The following BRSK2 variants were observed in gnomAD, a reference collection of about 807,000 sequenced individuals.
The protein encoded by BRSK2 is serine/threonine-protein kinase BRSK2.
Under a neutral mutation model 83.3 loss-of-function variants are expected in BRSK2, and 19 were observed. The ratio of observed to expected loss-of-function variants is 0.23; its 90% CI spans 0.16 to 0.33. The LOEUF is 0.33. Ranked by LOEUF, BRSK2 falls within the 10% of genes least tolerant of loss-of-function variation. The pLI is 1.00. For missense variants in BRSK2, 798 were observed against 1,042.3 expected (o/e 0.77, Z 3.23); for synonymous variants, 519 against 435.4 (o/e 1.19, Z -2.39).
chr11:1,400,699 T>C (rs1846417620), intron 1 of BRSK2, among the ~76,000 whole-genome samples: 1 of 152,086 alleles, frequency 6.6e-6, no homozygotes, highest in South Asian at 2.1e-4. Context: ...CCCTGTCAGC[T>C]GTGTTCTCCA....
chr11:1,426,302 G>A (rs992021658), intron 1 of BRSK2, among the ~76,000 whole-genome samples: 3 of 151,320 alleles, frequency 2.0e-5, no homozygotes, highest in Admixed American at 2.0e-4. Flanking sequence ...GGATGTGTGT[G>A]GGGCGTGCTC....
chr11:1,399,054 T>C (rs1846302081), intron 1 of BRSK2, among the ~76,000 whole-genome samples: 1 of 152,040 alleles, frequency 6.6e-6, no homozygotes, highest in Non-Finnish European at 1.5e-5. Flanking sequence ...AATGACTCCG[T>C]CCCTTCCACA....
intron 14 of BRSK2, among the ~76,000 whole-genome samples, chr11:1,451,092 C>T (rs1315883453): frequency 1.6e-4 from 25 of 152,348 alleles, no homozygotes; most frequent in South Asian, 2.1e-4. Context: ...AGTCAGGAGG[C>T]CCCATGTGTG....
Position 1,454,964 on chromosome 11 carries a change from C to T in BRSK2, c.1668+356C>T, listed in dbSNP as rs1272854131. On this transcript the variant is annotated intron_variant, in intron 16 of 19. Coordinates refer to ENST00000528841, the MANE Select transcript of BRSK2 (RefSeq NM_001256627.2). The surrounding 1 kb of genome is among the most constrained non-coding windows in gnomAD (Gnocchi z 5.2). Reference sequence around the variant, plus strand: ...CAGAGGGGGACATTTCCATCAGACTCGGGGAGAAGCCCTTGTGAGGCCATG... The same window carrying T: ...CAGAGGGGGACATTTCCATCAGACTTGGGGAGAAGCCCTTGTGAGGCCATG... Among the ~76,000 whole-genome samples the T allele has an allele frequency of 7.9e-5, 12 of 152,082 alleles. No homozygotes were observed. The highest frequency in any genetic ancestry group is 1.9e-4 in the East Asian group (1 of 5,180).
rs1564790902 is a variant in BRSK2, at chr11:1,396,257, C to CCCCGCTCCTCGTCT, written c.91+5883_91+5884insCCGCTCCTCGTCTC. On this transcript the variant is annotated intron_variant, in intron 1 of 19. Transcript: ENST00000528841. ...CCACCCACGTCCCCCACTCCTGGTC[C>CCCCGCTCCTCGTCT]CTCTTCCCTTCCACCCACGTCCCCC... Among the ~76,000 whole-genome samples, 97 of 120,406 alleles carry CCCCGCTCCTCGTCT rather than the reference C, an allele frequency of 8.1e-4. 2 individuals carry two copies. The highest frequency in any genetic ancestry group is 3.8e-3 in the African/African-American group (91 of 23,956). The allele number at this position is 120,406 out of a possible 152,430, so 79.0% of individuals were successfully genotyped here.
chr11:1,451,534 TC>T, intron 15 of BRSK2, 115 bp downstream of exon 15: 1 of 1,100,558 alleles, frequency 9.1e-7, no homozygotes, highest in Non-Finnish European at 1.4e-6. Context: ...TGGCCCCACC[TC>T]CCACTGCAGG....
intron 1 of BRSK2, among the ~76,000 whole-genome samples, chr11:1,421,901 G>A (rs922212721): frequency 3.9e-5 from 6 of 151,960 alleles, no homozygotes; most frequent in South Asian, 2.1e-4. Context: ...GCCCAGCACC[G>A]GGGTCTCTGC....
Position 1,440,897 on chromosome 11 carries a change from G to T in BRSK2, c.382G>T (p.Ala128Ser). ...ARKFFRQIIS[A>S]LDFCHSHSIC... ...GAAGTTCTTCCGGCAGATCATCTCT[G>T]CGCTGGACTTCTGCCACAGCCACTC... Residue 128 changes from alanine to serine, a missense_variant, in exon 4 of 20, where the codon GCG (alanine) becomes TCG (serine). By Grantham distance (99) the Ala-to-Ser change is moderately conservative. Transcript: ENST00000528841. The T allele has an allele frequency of 6.2e-7, 1 of 1,609,426 alleles. No individual in the cohort carries two copies. The highest frequency in any genetic ancestry group is 2.2e-5 in the East Asian group (1 of 44,826).
intron 1 of BRSK2, among the ~76,000 whole-genome samples, chr11:1,424,204 A>G (rs533466875): frequency 1.1e-4 from 17 of 152,246 alleles, no homozygotes; most frequent in African/African-American, 3.9e-4. Context: ...CTGCTCCGTG[A>G]GCCCCGGGGA....
intron 12 of BRSK2, among the ~76,000 whole-genome samples, chr11:1,447,107 C>T (rs1041327196): frequency 2.0e-5 from 3 of 152,038 alleles, no homozygotes; most frequent in Non-Finnish European, 2.9e-5. Context: ...CAGCTTCCAA[C>T]GTGGGGTCCC....
At chr11:1,426,166 GGGCCACGTGGCCATCA>G (rs1184182307) in intron 1 of BRSK2, among the ~76,000 whole-genome samples, 1 of 152,216 alleles carries the variant, frequency 6.6e-6, no homozygotes, top group Non-Finnish European at 1.5e-5. Context: ...GGGACGGGCA[GGGCCACGTGGCCATCA>G]GGGCCTGGAT....
At position 1,423,834 on chromosome 11, in the gene BRSK2, C is replaced by A. The variant is rs907512282; in HGVS notation, c.92-12206C>A. ...GGCGTTCCGGGTGCCCCAGGCCTCC[C>A]CCGCTGAGTGTTCCCGGTGCCCCTG... On this transcript the variant is annotated intron_variant, in intron 1 of 19. Transcript: ENST00000528841. The surrounding 1 kb of genome is among the most constrained non-coding windows in gnomAD (Gnocchi z 6.5). 6.6e-6 allele frequency among the ~76,000 whole-genome samples: 1 copy of A among 151,620 alleles called. No individual in the cohort carries two copies. The highest frequency in any genetic ancestry group is 2.4e-5 in the African/African-American group (1 of 41,278).
At chr11:1,392,265 C>G (rs1845774360) in intron 1 of BRSK2, among the ~76,000 whole-genome samples, 1 of 152,214 alleles carries the variant, frequency 6.6e-6, no homozygotes, top group African/African-American at 2.4e-5. Context: ...GCCAGGAGAC[C>G]TCCGTGGGAG....
chr11:1,410,516 G>T (rs1222935248), intron 1 of BRSK2: 5 of 985,468 alleles, frequency 5.1e-6, no homozygotes, highest in Non-Finnish European at 6.0e-6. Context: ...GCAGACTTCG[G>T]TGCTTCAAAG....
intron 1 of BRSK2, among the ~76,000 whole-genome samples, chr11:1,420,731 G>A (rs1314214345): frequency 1.3e-5 from 2 of 152,164 alleles, no homozygotes; most frequent in African/African-American, 4.8e-5. Flanking sequence ...CCTCCTCCCT[G>A]GCTGTCACCC....
At chr11:1,443,306 C>T (rs994134486) in intron 6 of BRSK2, 29 bp from the exon 7 acceptor site, 9 of 1,592,128 alleles carry the variant, frequency 5.7e-6, no homozygotes, top group Non-Finnish European at 6.0e-6. Flanking sequence ...CCCTGCGCCC[C>T]CCAACAGCCC....
intron 12 of BRSK2, 67 bp downstream of exon 12, chr11:1,445,974 CTCA>C: frequency 2.0e-6 from 3 of 1,519,982 alleles, no homozygotes; most frequent in South Asian, 2.5e-5. Context: ...TGCCGCCTGG[CTCA>C]TCGCTACCCA....
rs751578847 is a variant in BRSK2 at position 1,445,286 on chromosome 11, G to A, written c.813-8G>A. On this transcript the variant is annotated splice_region_variant and splice_polypyrimidine_tract_variant and intron_variant, in intron 9 of 19. Coordinates refer to ENST00000528841, the MANE Select transcript of BRSK2 (RefSeq NM_001256627.2). ...CTGATGAGCGGGTGGCCCGTCCTGT[G>A]TCCACAGAGGGGGCAAGAATGAGCC... is the stretch of plus-strand genomic sequence containing the variant. The A allele has an allele frequency of 6.9e-6, 11 of 1,602,434 alleles. No homozygotes were observed. The South Asian group carries it at 8.9e-5, about 13-fold the overall frequency.
intron 1 of BRSK2, among the ~76,000 whole-genome samples, chr11:1,420,119 G>A (rs930239092): frequency 1.2e-4 from 19 of 152,232 alleles, no homozygotes; most frequent in Admixed American, 1.0e-3. Context: ...GCCTCTGCCC[G>A]GAGGCTCGGT....
Sources: gnomAD v4.1 joint callset for allele counts (sites outside exome capture counted in the v4.1 genomes callset) on GRCh38, gnomAD v4.1.1 for gene constraint, Gnocchi (gnomAD v3.1) non-coding constraint, MANE v1.5 for transcripts, NCBI Gene and HGNC (gene_info 2026-07-23, HGNC 2026-07-21) for gene names.